AGFG1: variants seen among roughly 807,000 people sequenced by gnomAD.
The protein encoded by AGFG1 is ArfGAP with FG repeats 1, also known as arf-GAP domain and FG repeat-containing protein 1.
Under a neutral mutation model 60.6 loss-of-function variants are expected in AGFG1, and 10 were observed. The ratio of observed to expected loss-of-function variants is 0.16; its 90% CI spans 0.10 to 0.28. AGFG1 has a LOEUF of 0.28. AGFG1 is among the 10% of genes least tolerant of loss of function. The pLI, the probability that AGFG1 is intolerant of heterozygous loss-of-function variation, is 1.00. For synonymous variants in AGFG1, 247 were observed against 242.9 expected, an observed-to-expected ratio of 1.02 and a Z score of -0.16; for missense variants, 537 against 676.5, an observed-to-expected ratio of 0.79 and a Z score of 2.29.
At chr2:227,537,342 T>TAA (rs1692344133) in intron 10 of AGFG1, among the ~76,000 whole-genome samples, 1 of 152,208 alleles carries the variant, frequency 6.6e-6, no homozygotes, top group South Asian at 2.1e-4. Context: ...GTTTCAGAAT[T>TAA]ACTGGTTGTC....
Position 227,553,710 on chromosome 2 carries a change from G to A in AGFG1, c.1544G>A (p.Gly515Asp). The change falls in exon 12 of 13, where the codon GGT becomes GAT. Residue 515 changes from glycine (G) to aspartate (D), a missense_variant. Coordinates refer to ENST00000310078, the MANE Select transcript of AGFG1 (RefSeq NM_004504.5). ...GTGGTTCTATTTTAACAAGGTGCAGGTTTTGCAGCATTTGGACAAACAAAG... is the reference window on the plus strand; with the variant it reads ...GTGGTTCTATTTTAACAAGGTGCAGATTTTGCAGCATTTGGACAAACAAAG... The part of the protein sequence containing the change: ...TAFSQQPNGA[G>D]FAAFGQTKPV... The A allele has an allele frequency of 6.2e-7, 1 of 1,613,606 alleles. No homozygotes were observed. The highest frequency in any genetic ancestry group is 8.5e-7 in the Non-Finnish European group (1 of 1,179,702).
intron 1 of AGFG1, among the ~76,000 whole-genome samples, chr2:227,487,669 T>C (rs1690681390): frequency 7.6e-6 from 1 of 132,340 alleles, no homozygotes; most frequent in Non-Finnish European, 1.6e-5. Context: ...ATGAGGTTCT[T>C]AATAAAAATT....
intron 10 of AGFG1, among the ~76,000 whole-genome samples, chr2:227,541,416 T>C (rs988757609): frequency 6.6e-6 from 1 of 152,232 alleles, no homozygotes; most frequent in Non-Finnish European, 1.5e-5. Context: ...TACATGTGGC[T>C]AGCCAGTTTT....
chr2:227,517,640 C>T (rs1203823600), intron 2 of AGFG1, among the ~76,000 whole-genome samples: 1 of 152,210 alleles, frequency 6.6e-6, no homozygotes, highest in Non-Finnish European at 1.5e-5. Flanking sequence ...TTCTCCTAAC[C>T]TTTCTCTTAT....
chr2:227,540,171 T>G (rs146815035), intron 10 of AGFG1, among the ~76,000 whole-genome samples: 3 of 149,782 alleles, frequency 2.0e-5, no homozygotes, highest in African/African-American at 7.3e-5. Context: ...TCATTTTTTC[T>G]GGATTTATAA....
chr2:227,515,732 T>C (rs6705042), intron 2 of AGFG1, among the ~76,000 whole-genome samples: 125,644 of 152,036 alleles, frequency 0.83, 51,912 homozygotes, highest in South Asian at 0.89. Context: ...GCTTCCTAGT[T>C]AGTTCATTCT....
At chr2:227,543,735 G>A (rs974104146) in intron 10 of AGFG1, among the ~76,000 whole-genome samples, 5 of 152,196 alleles carry the variant, frequency 3.3e-5, no homozygotes, top group African/African-American at 1.2e-4. Context: ...TCATTGATCT[G>A]TCTGATGTTG....
intron 2 of AGFG1, among the ~76,000 whole-genome samples, chr2:227,494,596 GT>G (rs1311586103): frequency 6.6e-6 from 1 of 152,218 alleles, no homozygotes; most frequent in Non-Finnish European, 1.5e-5. Context: ...ATTGGAAGAT[GT>G]TGCTGGCTTA....
rs139764867 is a variant in AGFG1, at chr2:227,539,457, A to AAAAAAAAAAAAAC, written c.1378+2464_1378+2465insAAAAAAAAAAAAC. Among the ~76,000 whole-genome samples the AAAAAAAAAAAAAC allele has an allele frequency of 3.8e-5, 5 of 129,944 alleles. 1 individual carries two copies. Among genetic ancestry groups the AAAAAAAAAAAAAC allele is most frequent in the African/African-American group, 5.8e-5 (2 of 34,628 alleles). 85.2% of individuals were successfully genotyped at this position (129,944 alleles called of 152,430 possible). Reference sequence around the variant, plus strand: ...GACTCTGTCTCAAAAAAAACAAAAAACACATGTTAACACTGTGAAATTATA... The same window carrying AAAAAAAAAAAAAC: ...GACTCTGTCTCAAAAAAAACAAAAAAAAAAAAAAAAAACCACATGTTAACACTGTGAAATTATA... On this transcript the variant is annotated intron_variant, in intron 10 of 12. Coordinates refer to ENST00000310078, the MANE Select transcript of AGFG1 (RefSeq NM_004504.5).
intron 1 of AGFG1, among the ~76,000 whole-genome samples, chr2:227,489,464 T>C (rs1030534395): frequency 2.0e-5 from 3 of 151,988 alleles, no homozygotes; most frequent in African/African-American, 7.3e-5. Context: ...TCAAGTGATA[T>C]GCCCACCTTG....
At chr2:227,490,592 A>C (rs987784980) in intron 1 of AGFG1, among the ~76,000 whole-genome samples, 1 of 151,704 alleles carries the variant, frequency 6.6e-6, no homozygotes, top group Non-Finnish European at 1.5e-5. Flanking sequence ...AAAAAAAAAA[A>C]AATTACTGCA....
In AGFG1 at chr2:227,519,838, A is replaced by G. The variant is rs1036421654; in HGVS notation, c.262-110A>G. On this transcript the variant is annotated intron_variant, in intron 2 of 12. Transcript: ENST00000310078. ...TTAGTATCCTCATTGAAAGCATATT[A>G]TTAAAATTATTATGTAGATTAGCTT... is the stretch of plus-strand genomic sequence containing the variant. 5 of 605,438 alleles carry G rather than the reference A, an allele frequency of 8.3e-6. No individual in the cohort carries two copies. In the Admixed American group the frequency reaches 1.4e-4, roughly 17 times the overall value. 37.5% of individuals were successfully genotyped at this position (605,438 alleles called of 1,614,324 possible). A position where few individuals can be genotyped will look rare whatever the true frequency, so the allele number is the denominator to read the frequency against.
intron 1 of AGFG1, among the ~76,000 whole-genome samples, chr2:227,476,040 T>G (rs903783015): frequency 6.6e-6 from 1 of 152,246 alleles, no homozygotes; most frequent in African/African-American, 2.4e-5. Context: ...TTAATGTTAC[T>G]AGACTTGGAG....
At chr2:227,545,097 A>G (rs1159727284) in intron 10 of AGFG1, among the ~76,000 whole-genome samples, 6 of 152,316 alleles carry the variant, frequency 3.9e-5, no homozygotes, top group African/African-American at 9.6e-5. Context: ...AGGTATACCA[A>G]TCAGACGTAG....
At chr2:227,511,670 AC>A (rs1559180323) in intron 2 of AGFG1, among the ~76,000 whole-genome samples, 1 of 152,204 alleles carries the variant, frequency 6.6e-6, no homozygotes, top group African/African-American at 2.4e-5. Flanking sequence ...TATTGTGCAT[AC>A]ATTTGAGGGC....
chr2:227,532,268 A>G (rs1692186479), intron 6 of AGFG1: 1 of 1,325,038 alleles, frequency 7.5e-7, no homozygotes, highest in African/African-American at 1.5e-5. Flanking sequence ...GCTATACTTC[A>G]AGGGTTTTTC....
At chr2:227,503,214 C>T (rs982240431) in intron 2 of AGFG1, among the ~76,000 whole-genome samples, 4 of 143,154 alleles carry the variant, frequency 2.8e-5, no homozygotes, top group Admixed American at 7.1e-5. Context: ...CTAGCCTGGG[C>T]AACAAAGTGA....
At chr2:227,542,881 A>G (rs1344790317) in intron 10 of AGFG1, among the ~76,000 whole-genome samples, 1 of 508 alleles carries the variant, frequency 2.0e-3, no homozygotes, top group African/African-American at 3.3e-3. Flanking sequence ...TTTAGTCTTG[A>G]GAGGGTGTTG....
intron 1 of AGFG1, among the ~76,000 whole-genome samples, chr2:227,488,567 A>G (rs1490465739): frequency 6.6e-6 from 1 of 152,236 alleles, no homozygotes; most frequent in Non-Finnish European, 1.5e-5. Flanking sequence ...AGGAGATATT[A>G]CAGAATAAGG....
Sources: allele counts gnomAD v4.1 joint callset (sites outside exome capture counted in the v4.1 genomes callset), GRCh38; gene constraint gnomAD v4.1.1; transcripts MANE v1.5; gene names NCBI Gene and HGNC (gene_info 2026-07-23, HGNC 2026-07-21).